FBN2: variants seen among roughly 807,000 people sequenced by gnomAD.
The protein encoded by FBN2 is fibrillin 2.
A neutral mutation model predicts 355.6 loss-of-function variants in FBN2; 105 were observed. The observed-to-expected ratio is 0.30, with a 90% CI of 0.25 to 0.35. The LOEUF (loss-of-function observed/expected upper bound fraction) is 0.35, where lower values mean the gene tolerates loss of function less well. Ranked by LOEUF, FBN2 falls within the 10% of genes least tolerant of loss-of-function variation. FBN2 has a pLI of 1.00. For missense variants in FBN2, 3,280 were observed against 3,758.7 expected, an observed-to-expected ratio of 0.87 and a Z score of 3.33; for synonymous variants, 1,350 against 1,301.2, an observed-to-expected ratio of 1.04 and a Z score of -0.81.
intron 20 of FBN2, 107 bp downstream of exon 20, chr5:128,357,169 T>A: frequency 2.2e-6 from 3 of 1,392,646 alleles, no homozygotes; most frequent in Non-Finnish European, 3.0e-6. Context: ...TAATGTGTAA[T>A]TCTTTGCTTT....
In FBN2 at chr5:128,259,386, T is replaced by C. The variant is rs937312867; in HGVS notation, c.*69A>G. The stretch of plus-strand genomic sequence containing the variant: ...TATTTTTCCTCTTTAAAATTAGTCC[T>C]TGACTTTTCAAATGCTTCTGCAGAC... On this transcript the variant is annotated 3_prime_UTR_variant, in exon 65 of 65. Transcript: ENST00000262464. 10 of 1,577,086 alleles carry C rather than the reference T, an allele frequency of 6.3e-6. No individual in the cohort carries two copies. The African/African-American group carries it at 6.7e-5, about 11-fold the overall frequency.
chr5:128,264,835 G>A (rs1447759527), intron 62 of FBN2, among the ~76,000 whole-genome samples: 2 of 152,188 alleles, frequency 1.3e-5, no homozygotes, highest in African/African-American at 4.8e-5. Context: ...CAGCAGCTCA[G>A]TGAGATTTGG....
chr5:128,318,707 G>A (rs1343188053), intron 35 of FBN2, among the ~76,000 whole-genome samples, 172 bp downstream of exon 35: 2 of 151,858 alleles, frequency 1.3e-5, no homozygotes, highest in African/African-American at 2.4e-5. Flanking sequence ...ACATAAAAAT[G>A]CATCAATTCC....
At chr5:128,482,082 T>G (rs910290198) in intron 5 of FBN2, among the ~76,000 whole-genome samples, 1 of 152,214 alleles carries the variant, frequency 6.6e-6, no homozygotes, top group African/African-American at 2.4e-5. Context: ...TTTTCAATAT[T>G]GCTTCCTTTT....
At chr5:128,272,582 A>C (rs1765295250) in intron 61 of FBN2, among the ~76,000 whole-genome samples, 1 of 151,304 alleles carries the variant, frequency 6.6e-6, no homozygotes, top group Non-Finnish European at 1.5e-5. Flanking sequence ...GATACCTAAA[A>C]AGTACAATTA....
chr5:128,460,373 A>G (rs2127078008), intron 6 of FBN2, among the ~76,000 whole-genome samples: 1 of 152,336 alleles, frequency 6.6e-6, no homozygotes, highest in East Asian at 1.9e-4. Context: ...AAACAATGGA[A>G]AAACATTCAG....
At chr5:128,494,476 T>A (rs552498929) in intron 5 of FBN2, among the ~76,000 whole-genome samples, 1 of 152,292 alleles carries the variant, frequency 6.6e-6, no homozygotes, top group South Asian at 2.1e-4. Context: ...CAAAAATTTA[T>A]CCTGCAAAGG....
intron 5 of FBN2, among the ~76,000 whole-genome samples, chr5:128,496,226 C>T (rs921320807): frequency 9.2e-5 from 14 of 151,736 alleles, no homozygotes; most frequent in African/African-American, 3.4e-4. Flanking sequence ...ACAAAGATAT[C>T]AAAAGAAAAG....
At chr5:128,391,402 ACGACACTTGTTTCCACACAT>A (rs1453378165) in intron 11 of FBN2, among the ~76,000 whole-genome samples, 13 of 152,216 alleles carry the variant, frequency 8.5e-5, no homozygotes, top group Non-Finnish European at 1.2e-4. Flanking sequence ...ATGTAAAACA[ACGACACTTGTTTCCACACAT>A]TGTTTTCAAA....
chr5:128,443,471 A>G (rs1408223082), intron 7 of FBN2, among the ~76,000 whole-genome samples: 1 of 152,208 alleles, frequency 6.6e-6, no homozygotes, highest in Non-Finnish European at 1.5e-5. Context: ...ATACAGCACT[A>G]AAGACAGAGG....
Position 128,438,146 on chromosome 5 carries a change from C to T in FBN2, c.952+8335G>A, listed in dbSNP as rs1753824655. The stretch of plus-strand genomic sequence containing the variant: ...AGCTGGGACCACATGCACATACTAC[C>T]ACGTCTGGCTAATTTTTGTATTTTT... On this transcript the variant is annotated intron_variant, in intron 7 of 64. Coordinates refer to ENST00000262464, the MANE Select transcript of FBN2 (RefSeq NM_001999.4). Among the ~76,000 whole-genome samples the T allele has an allele frequency of 2.6e-5, 4 of 152,264 alleles. No individual in the cohort carries two copies. The South Asian group carries it at 6.2e-4, about 24-fold the overall frequency.
At chr5:128,381,727 A>G (rs754733074) in intron 11 of FBN2, among the ~76,000 whole-genome samples, 2 of 152,124 alleles carry the variant, frequency 1.3e-5, no homozygotes, top group Non-Finnish European at 2.9e-5. Flanking sequence ...ATGATGAGGT[A>G]TATCTATCAC....
intron 25 of FBN2, among the ~76,000 whole-genome samples, chr5:128,339,647 T>C (rs551261714): frequency 9.1e-4 from 139 of 152,314 alleles, no homozygotes; most frequent in African/African-American, 3.2e-3. Flanking sequence ...AACTGTGGTA[T>C]GGGCTGAATG....
chr5:128,303,928 A>C (rs946395899), intron 45 of FBN2, among the ~76,000 whole-genome samples: 1 of 152,154 alleles, frequency 6.6e-6, no homozygotes, highest in Non-Finnish European at 1.5e-5. Flanking sequence ...ATAAGACCAG[A>C]TCCTGTATAT....
Position 128,378,856 on chromosome 5 carries a change from A to G in FBN2, c.1638T>C (p.Asn546=). 1 of 1,612,956 alleles carries G rather than the reference A, an allele frequency of 6.2e-7. No homozygotes were observed. Among genetic ancestry groups the G allele is most frequent in the Non-Finnish European group, 8.5e-7 (1 of 1,179,072 alleles). ...AACCAGGTGTGTTAACACAATCTCC[A>G]TTAGTGCAGGGATTTGATGTGCATT... ...VDECTSNPCT[N]GDCVNTPGSY... Residue 546 remains asparagine (N), a synonymous_variant, in exon 12 of 65, where the codon AAT becomes AAC. Coordinates refer to ENST00000262464, the MANE Select transcript of FBN2 (RefSeq NM_001999.4).
At chr5:128,323,686 G>T (rs150303451) in intron 34 of FBN2, among the ~76,000 whole-genome samples, 1 of 152,128 alleles carries the variant, frequency 6.6e-6, no homozygotes, top group Non-Finnish European at 1.5e-5. Flanking sequence ...TGCTGGATTC[G>T]GTTTGCCAGT....
intron 63 of FBN2, 144 bp from the exon 64 acceptor site, chr5:128,262,051 C>A: frequency 1.4e-6 from 1 of 731,478 alleles, no homozygotes; most frequent in South Asian, 1.5e-5. Flanking sequence ...TTCTTTGCAA[C>A]TCTTTTATTT....
At chr5:128,366,048 T>A (rs1751756506) in intron 17 of FBN2, among the ~76,000 whole-genome samples, 1 of 152,172 alleles carries the variant, frequency 6.6e-6, no homozygotes, top group South Asian at 2.1e-4. Context: ...TAATGTTTTA[T>A]CATAAAATTG....
intron 5 of FBN2, among the ~76,000 whole-genome samples, chr5:128,484,063 A>G (rs1206728012): frequency 6.6e-6 from 1 of 152,210 alleles, no homozygotes; most frequent in African/African-American, 2.4e-5. Flanking sequence ...GAGAAAAACC[A>G]ATTATTTAAT....
Sources: gnomAD v4.1 joint callset for allele counts (sites outside exome capture counted in the v4.1 genomes callset) on GRCh38, gnomAD v4.1.1 for gene constraint, MANE v1.5 for transcripts, NCBI Gene and HGNC (gene_info 2026-07-23, HGNC 2026-07-21) for gene names.